The following SNX9 variants were observed in gnomAD, a reference collection of about 807,000 sequenced individuals.
SNX9 encodes the protein sorting nexin 9, also known as sorting nexin-9.
A neutral mutation model predicts 89.4 loss-of-function variants in SNX9; 44 were observed. The ratio of observed to expected loss-of-function variants is 0.49; its 90% CI spans 0.39 to 0.63. The LOEUF is 0.63. Ranked by LOEUF, SNX9 falls within the 30% of genes least tolerant of loss-of-function variation. SNX9 has a pLI of 0.00. For missense variants in SNX9, 578 were observed against 736.1 expected (o/e 0.79, Z 2.49); for synonymous variants, 236 against 247.8 (o/e 0.95, Z 0.45).
chr6:157,860,561 C>T (rs1345213371), intron 1 of SNX9, among the ~76,000 whole-genome samples: 4 of 152,308 alleles, frequency 2.6e-5, no homozygotes, highest in African/African-American at 9.6e-5. Flanking sequence ...CAGTTGATGC[C>T]ACCACATCAA....
intron 17 of SNX9, 36 bp downstream of exon 17, chr6:157,941,010 G>A (rs1784025728): frequency 6.4e-7 from 1 of 1,554,026 alleles, no homozygotes; most frequent in African/African-American, 1.4e-5. Flanking sequence ...GCATGTGCTT[G>A]AGGAGAGGGT....
chr6:157,919,009 TA>T (rs1304649392), intron 9 of SNX9, among the ~76,000 whole-genome samples: 25 of 152,268 alleles, frequency 1.6e-4, no homozygotes, highest in East Asian at 1.2e-3. Flanking sequence ...TAGAAAAAAA[TA>T]TATCTATAGA....
intron 4 of SNX9, among the ~76,000 whole-genome samples, chr6:157,890,685 C>T (rs527356666): frequency 4.7e-4 from 71 of 152,308 alleles, no homozygotes; most frequent in African/African-American, 1.6e-3. Context: ...CCCACGTTCA[C>T]GGGCAGCAGG....
chr6:157,865,661 C>G (rs1562598252), intron 1 of SNX9, among the ~76,000 whole-genome samples: 1 of 152,224 alleles, frequency 6.6e-6, no homozygotes, highest in African/African-American at 2.4e-5. Flanking sequence ...GATTCAGTAC[C>G]TGCTTTGTCA....
At chr6:157,905,988 G>A (rs113306657) in intron 6 of SNX9, 140 bp from the exon 7 acceptor site, 363 of 617,862 alleles carry the variant, frequency 5.9e-4, no homozygotes, top group African/African-American at 3.2e-3. Flanking sequence ...ATTACATTAG[G>A]TTTCATTTAC....
chr6:157,864,678 G>A lies in SNX9; in HGVS notation c.13-2869G>A, dbSNP rs566645599. On this transcript the variant is annotated intron_variant, in intron 1 of 17. Transcript: ENST00000392185. ...CTTCCTTCCAGCCCGTCCCCTGCCC[G>A]CATTTCTGTCCTGTCTGTCCTCATG... Among the ~76,000 whole-genome samples, 11 of 152,200 alleles carry A rather than the reference G, an allele frequency of 7.2e-5. No individual in the cohort carries two copies. In the South Asian group the frequency reaches 1.9e-3, roughly 26 times the overall value.
intron 1 of SNX9, among the ~76,000 whole-genome samples, chr6:157,837,956 T>C (rs1455425330): frequency 1.3e-5 from 2 of 152,222 alleles, no homozygotes; most frequent in Non-Finnish European, 2.9e-5. Flanking sequence ...TAGAATATTA[T>C]TATGCATGAA....
chr6:157,833,468 A>G (rs1781513179), intron 1 of SNX9, among the ~76,000 whole-genome samples: 1 of 152,160 alleles, frequency 6.6e-6, no homozygotes, highest in Non-Finnish European at 1.5e-5. Context: ...TACAAATATT[A>G]TTTTGTAATT....
intron 4 of SNX9, among the ~76,000 whole-genome samples, chr6:157,878,001 A>G (rs920289278): frequency 2.0e-5 from 3 of 152,150 alleles, no homozygotes; most frequent in Non-Finnish European, 4.4e-5. Flanking sequence ...TGTATTCTTA[A>G]TCTGTGCTGC....
At chr6:157,888,291 T>C (rs1461985523) in intron 4 of SNX9, among the ~76,000 whole-genome samples, 1 of 152,266 alleles carries the variant, frequency 6.6e-6, no homozygotes, top group Non-Finnish European at 1.5e-5. Context: ...GCTGTATGAC[T>C]TGCATGATAC....
At chr6:157,824,583 A>G (rs1336274879) in intron 1 of SNX9, among the ~76,000 whole-genome samples, 1 of 152,126 alleles carries the variant, frequency 6.6e-6, no homozygotes, top group East Asian at 1.9e-4. Context: ...GAAATGTGAA[A>G]TCTCTTTGAA....
intron 4 of SNX9, among the ~76,000 whole-genome samples, chr6:157,881,100 T>G (rs1208545975): frequency 2.0e-5 from 3 of 152,318 alleles, no homozygotes; most frequent in Admixed American, 2.0e-4. Context: ...TGAAAGTTTT[T>G]GGCACCCCCT....
At chr6:157,870,479 T>G (rs1364691535) in intron 2 of SNX9, among the ~76,000 whole-genome samples, 4 of 139,728 alleles carry the variant, frequency 2.9e-5, no homozygotes. Context: ...ACATACACCC[T>G]GCAGATAGTC....
At position 157,873,100 on chromosome 6, in the gene SNX9, A is replaced by G; in HGVS notation, c.100-2A>G. 6.7e-7 allele frequency: 1 copy of G among 1,495,170 alleles called. No homozygotes were observed. Among genetic ancestry groups the G allele is most frequent in the Non-Finnish European group, 9.0e-7 (1 of 1,108,340 alleles). The allele number at this position is 1,495,170 out of a possible 1,614,324, so 92.6% of individuals were successfully genotyped here. A position where few individuals can be genotyped will look rare whatever the true frequency, so the allele number is the denominator to read the frequency against. Reference sequence around the variant, plus strand: ...TTTTTTTTTTTTTTGGTGACTTATTAGGATGTAGGTGGAGGATGGCTGGAA... The same window carrying G: ...TTTTTTTTTTTTTTGGTGACTTATTGGGATGTAGGTGGAGGATGGCTGGAA... On this transcript the variant is annotated splice_acceptor_variant, in intron 2 of 17. Transcript: ENST00000392185. LOFTEE classifies it high-confidence loss of function.
In SNX9 at chr6:157,896,831, G is replaced by A. The variant is rs144624939; in HGVS notation, c.305G>A (p.Gly102Asp). The change falls in exon 5 of 18, where the codon GGC becomes GAC. Residue 102 changes from glycine (G) to aspartate (D), a missense_variant. Physicochemically the swap from Gly to Asp is moderately conservative, Grantham distance 94. This residue lies in a region of SNX9 where 230 missense variants were observed against 244.7 expected (regional missense o/e 0.94). Transcript: ENST00000392185. ...TCTTTTTACCCCTCTCAATAGGTTGGCAGTGGCAATGACCCCTGGTCAGCC... is the reference window on the plus strand; with the variant it reads ...TCTTTTTACCCCTCTCAATAGGTTGACAGTGGCAATGACCCCTGGTCAGCC... ...SSAASNNHQVGSGNDPWSAWS... is the reference protein window; with the variant it reads ...SSAASNNHQVDSGNDPWSAWS... 2.0e-4 allele frequency: 324 copies of A among 1,612,510 alleles called. 1 individual carries two copies. Among genetic ancestry groups the A allele is most frequent in the Admixed American group, 5.7e-4 (34 of 59,386 alleles).
intron 9 of SNX9, among the ~76,000 whole-genome samples, chr6:157,910,299 C>A (rs907291735): frequency 3.3e-5 from 5 of 152,174 alleles, no homozygotes; most frequent in African/African-American, 9.7e-5. Context: ...ATTGCTGTAC[C>A]TTTTCTACAA....
chr6:157,914,364 A>T (rs916374981), intron 9 of SNX9, among the ~76,000 whole-genome samples: 14 of 149,362 alleles, frequency 9.4e-5, no homozygotes, highest in Middle Eastern at 3.6e-3. Flanking sequence ...GAATCCTGAG[A>T]TTTTTAAAAT....
chr6:157,907,407 G>T (rs959215070), intron 7 of SNX9, among the ~76,000 whole-genome samples: 9 of 152,076 alleles, frequency 5.9e-5, no homozygotes, highest in African/African-American at 2.2e-4. Context: ...TCAGCCTCCC[G>T]AGTAGCTGGG....
chr6:157,930,410 C>G (rs1338742781), intron 12 of SNX9, among the ~76,000 whole-genome samples: 1 of 152,142 alleles, frequency 6.6e-6, no homozygotes, highest in East Asian at 1.9e-4. Context: ...TAGAGGATGA[C>G]TCAGGAACAA....
Sources: gnomAD v4.1 joint callset for allele counts (sites outside exome capture counted in the v4.1 genomes callset) on GRCh38, gnomAD v4.1.1 for gene constraint, gnomAD v4.1.1 regional missense constraint, MANE v1.5 for transcripts, NCBI Gene and HGNC (gene_info 2026-07-23, HGNC 2026-07-21) for gene names.